CCNF: variants seen among roughly 807,000 people sequenced by gnomAD.
CCNF encodes cyclin-F.
A neutral mutation model predicts 85.4 loss-of-function variants in CCNF; 30 were observed. That is an observed-to-expected ratio of 0.35 (90% confidence interval 0.26 to 0.48). The LOEUF (loss-of-function observed/expected upper bound fraction) is 0.48. CCNF is among the 20% of genes least tolerant of loss of function. The probability of loss-of-function intolerance (pLI) is 0.99; values close to 1 mark genes in which losing one functional copy is unlikely to be tolerated. For missense variants in CCNF, 919 were observed against 1,010.4 expected (o/e 0.91, Z 1.23); for synonymous variants, 439 against 425.1 (o/e 1.03, Z -0.40).
At chr16:2,435,946 C>A in intron 4 of CCNF, 73 bp downstream of exon 4, 1 of 1,081,686 alleles carries the variant, frequency 9.2e-7, no homozygotes, top group Non-Finnish European at 1.4e-6. Context: ...AGAAGTGGTC[C>A]CCGTGTTAGC....
At chr16:2,436,087 CTT>C (rs2065289738) in intron 4 of CCNF, 5 of 451,780 alleles carry the variant, frequency 1.1e-5, no homozygotes. Flanking sequence ...AAAGTCGCCT[CTT>C]GTTTTAGCAA....
intron 8 of CCNF, among the ~76,000 whole-genome samples, chr16:2,440,490 AC>A (rs1373764178): frequency 6.6e-6 from 1 of 151,920 alleles, no homozygotes; most frequent in Admixed American, 6.6e-5. Context: ...GGTGGCAGGC[AC>A]CTGATACTCA....
intron 6 of CCNF, among the ~76,000 whole-genome samples, chr16:2,438,433 G>A (rs2065303288): frequency 6.6e-6 from 1 of 152,190 alleles, no homozygotes; most frequent in African/African-American, 2.4e-5. Flanking sequence ...TCCTGCTCGT[G>A]TGGACCTCTC....
At chr16:2,432,511 C>A (rs542999594) in intron 2 of CCNF, among the ~76,000 whole-genome samples, 7 of 152,266 alleles carry the variant, frequency 4.6e-5, no homozygotes, top group Non-Finnish European at 8.8e-5. Context: ...GCTTAGGCTC[C>A]GGGTTCTACC....
At chr16:2,430,052 A>G (rs747162065) in intron 1 of CCNF, among the ~76,000 whole-genome samples, 1 of 152,148 alleles carries the variant, frequency 6.6e-6, no homozygotes, top group Non-Finnish European at 1.5e-5. Flanking sequence ...TATTTTATGG[A>G]GAGGTCTATA....
chr16:2,449,491 T>C (rs113742704), intron 12 of CCNF, 29 bp downstream of exon 12: 56 of 1,584,326 alleles, frequency 3.5e-5, no homozygotes, highest in African/African-American at 3.1e-4. Context: ...CAGGGATGCC[T>C]GTGTCGGGGA....
At chr16:2,431,540 C>T (rs1226462422) in intron 2 of CCNF, among the ~76,000 whole-genome samples, 1 of 151,726 alleles carries the variant, frequency 6.6e-6, no homozygotes, top group African/African-American at 2.4e-5. Context: ...ATTAGCCGGG[C>T]GTGGTGTCTC....
At chr16:2,442,733 C>A (rs2065335316) in intron 8 of CCNF, among the ~76,000 whole-genome samples, 1 of 11,784 alleles carries the variant, frequency 8.5e-5, no homozygotes, top group Non-Finnish European at 1.4e-4. Context: ...TATTGTATAA[C>A]ATATAATTAT....
At chr16:2,441,930 T>C (rs1772290776) in intron 8 of CCNF, among the ~76,000 whole-genome samples, 1 of 116,930 alleles carries the variant, frequency 8.6e-6, no homozygotes, top group Admixed American at 1.0e-4. Context: ...CTCATGATAT[T>C]AGCAAATTAT....
intron 1 of CCNF, among the ~76,000 whole-genome samples, chr16:2,430,820 C>T (rs576382813): frequency 6.6e-6 from 1 of 152,322 alleles, no homozygotes; most frequent in Non-Finnish European, 1.5e-5. Flanking sequence ...GCTTTTTCCC[C>T]TTCCTGCCTG....
chr16:2,431,054 T>C (rs2065259628), intron 1 of CCNF, 76 bp from the exon 2 acceptor site: 1 of 1,364,472 alleles, frequency 7.3e-7, no homozygotes, highest in Non-Finnish European at 1.0e-6. Context: ...ACTTTTATCC[T>C]TTTTTTTTCC....
chr16:2,437,106 C>A, intron 4 of CCNF, 23 bp from the exon 5 acceptor site: 2 of 1,545,290 alleles, frequency 1.3e-6, no homozygotes, highest in South Asian at 1.2e-5. Flanking sequence ...CATCCCTGGG[C>A]TCTGTCCTGT....
Position 2,438,131 on chromosome 16 carries a change from A to C in CCNF, c.594+8A>C. 2 of 1,597,068 alleles carry C rather than the reference A, an allele frequency of 1.3e-6. No individual in the cohort carries two copies. The highest frequency in any genetic ancestry group is 1.7e-6 in the Non-Finnish European group (2 of 1,164,448). On this transcript the variant is annotated splice_region_variant and intron_variant, in intron 6 of 16. Transcript: ENST00000397066. ...GTGCTGAGTCTGTTCGAGGTGAGTC[A>C]AGTTGTTCTCTGCACTGGGACTTTG... is the stretch of plus-strand genomic sequence containing the variant.
rs772127041 is a variant in CCNF, at chr16:2,453,380, C to G, written c.1588-30C>G. Reference sequence around the variant, plus strand: ...TGGGCGGGCCTCACCCTCGGGGCCTCTGCACCCCCTAACTCTAGCTTCCCC... The same window carrying G: ...TGGGCGGGCCTCACCCTCGGGGCCTGTGCACCCCCTAACTCTAGCTTCCCC... On this transcript the variant is annotated intron_variant, in intron 14 of 16. Coordinates refer to ENST00000397066, the MANE Select transcript of CCNF (RefSeq NM_001761.3). This position sits in a 1 kb window ranked among gnomAD's most constrained non-coding sequence, Gnocchi z 5.6. The G allele has an allele frequency of 1.2e-6, 2 of 1,613,750 alleles. No individual in the cohort carries two copies. Among genetic ancestry groups the G allele is most frequent in the Non-Finnish European group, 1.7e-6 (2 of 1,179,906 alleles).
chr16:2,453,616 C>CACAGAGAGGCCCCCAAGGCTTGTCAGGGG lies in CCNF; in HGVS notation c.1715+81_1715+109dup. 6.4e-7 allele frequency: 1 copy of CACAGAGAGGCCCCCAAGGCTTGTCAGGGG among 1,565,648 alleles called. No individual in the cohort carries two copies. The highest frequency in any genetic ancestry group is 1.7e-5 in the Admixed American group (1 of 59,182). ...GCCCAGTTCCCTCAGCGCTTCCTCACACAGAGAGGCCCCCAAGGCTTGTCA... is the reference window on the plus strand; with the variant it reads ...GCCCAGTTCCCTCAGCGCTTCCTCACACAGAGAGGCCCCCAAGGCTTGTCAGGGGACAGAGAGGCCCCCAAGGCTTGTCA... On this transcript the variant is annotated intron_variant, in intron 15 of 16. Transcript: ENST00000397066. The surrounding 1 kb of genome is among the most constrained non-coding windows in gnomAD (Gnocchi z 5.6).
intron 9 of CCNF, among the ~76,000 whole-genome samples, chr16:2,444,613 T>C (rs1168261008): frequency 6.6e-6 from 1 of 151,764 alleles, no homozygotes; most frequent in Non-Finnish European, 1.5e-5. Context: ...TTTTTTTTTT[T>C]TGAGACAGGG....
chr16:2,441,937 T>TTA (rs55737759), intron 8 of CCNF, among the ~76,000 whole-genome samples: 3,645 of 59,018 alleles, frequency 0.062, 134 homozygotes, highest in African/African-American at 0.069. Flanking sequence ...TATTAGCAAA[T>TTA]TATATATATA....
chr16:2,448,375 T>C (rs2141826404), intron 10 of CCNF, among the ~76,000 whole-genome samples: 1 of 152,248 alleles, frequency 6.6e-6, no homozygotes, highest in East Asian at 1.9e-4. Flanking sequence ...CATCCCTCTT[T>C]CCAGCACTTT....
rs536587278 is a variant in CCNF at position 2,455,574 on chromosome 16, G to A, written c.1885+10G>A. On this transcript the variant is annotated intron_variant, in intron 16 of 16. Coordinates refer to ENST00000397066, the MANE Select transcript of CCNF (RefSeq NM_001761.3). The stretch of plus-strand genomic sequence containing the variant: ...GAGAAGGAGGGCGACGGTGAGTGTG[G>A]GGCCAGGGTGCACCAGAAGGGACAT... 2.8e-5 allele frequency: 44 copies of A among 1,583,936 alleles called. 1 individual carries two copies. In the South Asian group the frequency reaches 4.7e-4, roughly 17 times the overall value.
Sources: gnomAD v4.1 joint callset for allele counts (sites outside exome capture counted in the v4.1 genomes callset) on GRCh38, gnomAD v4.1.1 for gene constraint, Gnocchi (gnomAD v3.1) non-coding constraint, MANE v1.5 for transcripts, NCBI Gene and HGNC (gene_info 2026-07-23, HGNC 2026-07-21) for gene names.